The following GALNTL6 variants were observed in gnomAD, a reference collection of about 807,000 sequenced individuals.
The protein encoded by GALNTL6 is polypeptide N-acetylgalactosaminyltransferase-like 6.
GALNTL6 carries 46 observed loss-of-function variants against 73.7 expected under a neutral mutation model. The observed-to-expected ratio is 0.62, with a 90% CI of 0.49 to 0.80. GALNTL6 has a LOEUF of 0.80. Ranked by LOEUF, GALNTL6 falls within the 30% of genes least tolerant of loss-of-function variation. The pLI, the probability that GALNTL6 is intolerant of heterozygous loss-of-function variation, is 0.00. For synonymous variants in GALNTL6, 259 were observed against 263.7 expected, an observed-to-expected ratio of 0.98 and a Z score of 0.17; for missense variants, 604 against 755.0, an observed-to-expected ratio of 0.80 and a Z score of 2.34.
intron 5 of GALNTL6, among the ~76,000 whole-genome samples, chr4:172,639,732 A>G (rs1053209417): frequency 2.2e-4 from 33 of 152,188 alleles, no homozygotes; most frequent in Non-Finnish European, 3.4e-4. Context: ...CAACCTAATC[A>G]GACTTTGAAC....
At chr4:171,831,779 GCA>G (rs1386921142) in intron 2 of GALNTL6, among the ~76,000 whole-genome samples, 1 of 151,648 alleles carries the variant, frequency 6.6e-6, no homozygotes, top group African/African-American at 2.4e-5. Flanking sequence ...ACATGTCATT[GCA>G]CATTGTTTTG....
At chr4:172,609,009 G>T (rs566582449) in intron 5 of GALNTL6, among the ~76,000 whole-genome samples, 2 of 152,164 alleles carry the variant, frequency 1.3e-5, no homozygotes, top group African/African-American at 4.8e-5. Context: ...TTCAGATCAG[G>T]AAGTTTATCA....
intron 10 of GALNTL6, among the ~76,000 whole-genome samples, chr4:172,992,737 T>C (rs1268315942): frequency 6.6e-6 from 1 of 152,190 alleles, no homozygotes; most frequent in African/African-American, 2.4e-5. Context: ...AGTGATGTTA[T>C]CTATAGGAGC....
At chr4:172,204,177 A>T (rs1736037312) in intron 2 of GALNTL6, among the ~76,000 whole-genome samples, 1 of 152,246 alleles carries the variant, frequency 6.6e-6, no homozygotes, top group African/African-American at 2.4e-5. Context: ...GCTATATATA[A>T]TGAAAGATGT....
chr4:172,543,872 T>G (rs1257896153), intron 5 of GALNTL6, among the ~76,000 whole-genome samples: 2 of 152,212 alleles, frequency 1.3e-5, no homozygotes, highest in African/African-American at 4.8e-5. Context: ...TACTATTACT[T>G]TACATTCTGG....
chr4:171,964,989 C>T (rs1300750053), intron 2 of GALNTL6, among the ~76,000 whole-genome samples: 1 of 152,230 alleles, frequency 6.6e-6, no homozygotes, highest in African/African-American at 2.4e-5. Context: ...GTGACTACAT[C>T]ACAGTCCTGC....
chr4:171,892,812 TCG>T (rs1486730401), intron 2 of GALNTL6, among the ~76,000 whole-genome samples: 2 of 152,198 alleles, frequency 1.3e-5, no homozygotes, highest in African/African-American at 4.8e-5. Flanking sequence ...TGCTACAACC[TCG>T]GCCTCTCAAA....
rs532531070 is a variant in GALNTL6, at chr4:172,208,035, T to G, written c.139-21621T>G. Among the ~76,000 whole-genome samples the G allele has an allele frequency of 8.5e-4, 130 of 152,274 alleles. 1 individual carries two copies. The highest frequency in any genetic ancestry group is 2.9e-3 in the African/African-American group (122 of 41,564). On this transcript the variant is annotated intron_variant, in intron 2 of 12. Coordinates refer to ENST00000506823, the MANE Select transcript of GALNTL6 (RefSeq NM_001034845.3). Reference sequence around the variant, plus strand: ...GACGGAGTGAGGAACCGAGTATTAGTGGGAGGCTATATTTAGACAGTAGAA... The same window carrying G: ...GACGGAGTGAGGAACCGAGTATTAGGGGGAGGCTATATTTAGACAGTAGAA...
chr4:172,925,580 G>C (rs1398115399), intron 8 of GALNTL6, among the ~76,000 whole-genome samples: 1 of 152,212 alleles, frequency 6.6e-6, no homozygotes, highest in African/African-American at 2.4e-5. Context: ...GAAGGTCTGT[G>C]AAGCAAGGAA....
At chr4:171,821,640 G>GATATATATATATATATATATATAT (rs3080305) in intron 2 of GALNTL6, among the ~76,000 whole-genome samples, 11 of 146,270 alleles carry the variant, frequency 7.5e-5, no homozygotes, top group African/African-American at 1.1e-4. Context: ...AGGCTTAACG[G>GATATATATATATATATATATATAT]ATATATATAT....
intron 5 of GALNTL6, among the ~76,000 whole-genome samples, chr4:172,371,211 C>A (rs185973502): frequency 1.6e-4 from 25 of 152,270 alleles, no homozygotes; most frequent in African/African-American, 5.8e-4. Context: ...TTTTCCTAAT[C>A]GCCCAAAAGG....
chr4:172,116,031 T>C (rs1288623300), intron 2 of GALNTL6, among the ~76,000 whole-genome samples: 1 of 152,000 alleles, frequency 6.6e-6, no homozygotes, highest in Non-Finnish European at 1.5e-5. Flanking sequence ...CTAGATACAA[T>C]AGGTTTTAAA....
At chr4:172,264,855 T>A (rs1738397834) in intron 3 of GALNTL6, among the ~76,000 whole-genome samples, 1 of 150,962 alleles carries the variant, frequency 6.6e-6, no homozygotes, top group South Asian at 2.1e-4. Flanking sequence ...TTTCTTTTTC[T>A]TCTTTTTTTT....
chr4:172,697,381 C>T (rs765023475), intron 5 of GALNTL6, among the ~76,000 whole-genome samples: 2 of 152,092 alleles, frequency 1.3e-5, no homozygotes, highest in Non-Finnish European at 2.9e-5. Context: ...TGACAAGCAG[C>T]GGAGATCTTG....
intron 9 of GALNTL6, among the ~76,000 whole-genome samples, chr4:172,948,870 A>G (rs890003714): frequency 6.6e-6 from 1 of 152,144 alleles, no homozygotes; most frequent in Non-Finnish European, 1.5e-5. Flanking sequence ...TAACTATACT[A>G]AAGCCTACTT....
chr4:171,988,285 C>A lies in GALNTL6; in HGVS notation c.138+173567C>A, dbSNP rs534193611. Among the ~76,000 whole-genome samples the A allele has an allele frequency of 1.2e-4, 18 of 152,214 alleles. No homozygotes were observed. The South Asian group carries it at 2.1e-3, about 18-fold the overall frequency. The stretch of plus-strand genomic sequence containing the variant: ...GATTGACGTTTGGGAGATTAATCGG[C>A]CACAATCAGCAGGGAGAGCACGTGT... On this transcript the variant is annotated intron_variant, in intron 2 of 12. Coordinates refer to ENST00000506823, the MANE Select transcript of GALNTL6 (RefSeq NM_001034845.3).
At chr4:172,389,404 A>C (rs559946524) in intron 5 of GALNTL6, among the ~76,000 whole-genome samples, 37 of 152,228 alleles carry the variant, frequency 2.4e-4, no homozygotes, top group Middle Eastern at 3.4e-3. Flanking sequence ...GTTCTTTCCA[A>C]AGATTAATGA....
intron 5 of GALNTL6, among the ~76,000 whole-genome samples, chr4:172,368,036 T>A (rs1742633326): frequency 6.6e-6 from 1 of 152,172 alleles, no homozygotes; most frequent in Non-Finnish European, 1.5e-5. Context: ...CTTTTTATTA[T>A]GAAACTTTAA....
In GALNTL6 at chr4:172,577,828, A is replaced by G. The variant is rs543416966; in HGVS notation, c.553+229139A>G. ...CGATATATGACAGTCAGAAAATGTC[A>G]CAGTCAAGATCAATATATACAAACT... On this transcript the variant is annotated intron_variant, in intron 5 of 12. Coordinates refer to ENST00000506823, the MANE Select transcript of GALNTL6 (RefSeq NM_001034845.3). 2.6e-4 allele frequency among the ~76,000 whole-genome samples: 40 copies of G among 152,308 alleles called. 1 individual carries two copies. The East Asian group carries it at 6.7e-3, about 26-fold the overall frequency.
Sources: gnomAD v4.1 joint callset for allele counts (sites outside exome capture counted in the v4.1 genomes callset) on GRCh38, gnomAD v4.1.1 for gene constraint, MANE v1.5 for transcripts, NCBI Gene and HGNC (gene_info 2026-07-23, HGNC 2026-07-21) for gene names.